TCF20: variants seen among roughly 807,000 people sequenced by gnomAD.
TCF20 encodes SPRE-binding protein.
Under a neutral mutation model 148.6 loss-of-function variants are expected in TCF20, and 3 were observed. The ratio of observed to expected loss-of-function variants is 0.02; its 90% confidence interval spans 0.01 to 0.05. The LOEUF is 0.05. Ranked by LOEUF, TCF20 falls within the 10% of genes least tolerant of loss-of-function variation. TCF20 has a pLI of 1.00. For missense variants in TCF20, 2,350 were observed against 2,429.3 expected, an observed-to-expected ratio of 0.97 and a Z score of 0.69; for synonymous variants, 1,049 against 909.5, an observed-to-expected ratio of 1.15 and a Z score of -2.76.
rs1927260615 is a variant in TCF20 at position 42,297,689 on chromosome 22, A to C, written c.-37+45790T>G. On this transcript the variant is annotated intron_variant, in intron 1 of 1. Coordinates refer to the TCF20 transcript ENST00000515426. The surrounding 1 kb of genome is among the most constrained non-coding windows in gnomAD (Gnocchi z 4.3). ...GACTTAGGAAATACTGGCCAGAGAG[A>C]ATCTTGAGCCACACAATTCAGACAA... Among the ~76,000 whole-genome samples, 1 of 152,134 alleles carries C rather than the reference A, an allele frequency of 6.6e-6. No homozygotes were observed. Among genetic ancestry groups the C allele is most frequent in the South Asian group, 2.1e-4 (1 of 4,830 alleles).
At chr22:42,238,749 A>G (rs1203567092) in intron 1 of TCF20, among the ~76,000 whole-genome samples, 1 of 152,254 alleles carries the variant, frequency 6.6e-6, no homozygotes, top group African/African-American at 2.4e-5. Context: ...CTGAACACAC[A>G]TCTATACACA....
intron 1 of TCF20, among the ~76,000 whole-genome samples, chr22:42,263,318 A>T (rs574990160): frequency 6.6e-6 from 1 of 152,302 alleles, no homozygotes; most frequent in African/African-American, 2.4e-5. Flanking sequence ...TAAGTCAGGG[A>T]AACGCCCAGA....
chr22:42,172,016 A>G (rs555081706), intron 3 of TCF20, among the ~76,000 whole-genome samples: 6 of 152,238 alleles, frequency 3.9e-5, no homozygotes, highest in Non-Finnish European at 4.4e-5. Context: ...TAGAAGCAGA[A>G]AAGAGTAAGA....
chr22:42,272,060 A>G (rs1926640966), upstream of TCF20, among the ~76,000 whole-genome samples: 1 of 152,072 alleles, frequency 6.6e-6, no homozygotes. Context: ...GTCCAATCTC[A>G]CAAAGTGGGG....
At chr22:42,232,840 C>T (rs9611759) in intron 1 of TCF20, among the ~76,000 whole-genome samples, 4 of 150,652 alleles carry the variant, frequency 2.7e-5, no homozygotes, top group East Asian at 3.9e-4. Context: ...GACCAACATG[C>T]TAATTTTAAA....
At chr22:42,302,182 T>C (rs1927349175) in intron 1 of TCF20, among the ~76,000 whole-genome samples, 2 of 152,144 alleles carry the variant, frequency 1.3e-5, no homozygotes, top group South Asian at 4.1e-4. Context: ...AAGGGCACTA[T>C]CGGGTGTTGA....
At chr22:42,281,907 A>C (rs134894) in intron 1 of TCF20, among the ~76,000 whole-genome samples, 103,396 of 152,066 alleles carry the variant, frequency 0.68, 35,570 homozygotes, top group Non-Finnish European at 0.74. Context: ...TGTCCCTGTA[A>C]CCAAGGATGG....
rs570476985 is a variant in TCF20, at chr22:42,212,076, G to A, written c.3230C>T (p.Ala1077Val). The A allele has an allele frequency of 2.7e-5, 43 of 1,614,098 alleles. No individual in the cohort carries two copies. In the East Asian group the frequency reaches 7.1e-4, roughly 27 times the overall value. ...TRAHAYGDPN[A>V]GLNSQLHYKR... ...ATAATGCAGCTGAGAATTCAAACCT[G>A]CGTTAGGGTCCCCATAAGCATGAGC... is the stretch of plus-strand genomic sequence containing the variant. Residue 1077 changes from alanine (A) to valine (V), a missense_variant, in exon 2 of 6, where the codon GCA (alanine) becomes GTA (valine). Physicochemically the swap from Ala to Val is moderately conservative, Grantham distance 64. Coordinates refer to ENST00000677622, the MANE Select transcript of TCF20 (RefSeq NM_001378418.1).
chr22:42,169,434 T>C (rs1022424675), intron 4 of TCF20, among the ~76,000 whole-genome samples: 3 of 152,224 alleles, frequency 2.0e-5, no homozygotes, highest in Non-Finnish European at 4.4e-5. Context: ...CAGAGCCTTG[T>C]GGTCAGCTCG....
rs1264760357 is a variant in TCF20, at chr22:42,212,735, C to T, written c.2571G>A (p.Gly857=). The change falls in exon 2 of 6, where the codon GGG becomes GGA. Residue 857 remains glycine (G), a synonymous_variant. Coordinates refer to ENST00000677622, the MANE Select transcript of TCF20 (RefSeq NM_001378418.1). ...IEPQSSAHEP[G]GSLSERRSVI... ...CTGATCTTCTTTCAGAGAGGGAACCCCCAGGCTCATGTGCTGATGACTGAG... is the reference window on the plus strand; with the variant it reads ...CTGATCTTCTTTCAGAGAGGGAACCTCCAGGCTCATGTGCTGATGACTGAG... 1.2e-6 allele frequency: 2 copies of T among 1,614,194 alleles called. No homozygotes were observed. Among genetic ancestry groups the T allele is most frequent in the East Asian group, 2.2e-5 (1 of 44,888 alleles).
intron 3 of TCF20, 36 bp downstream of exon 3, chr22:42,179,573 G>A (rs906428879): frequency 7.0e-7 from 1 of 1,427,720 alleles, no homozygotes; most frequent in Non-Finnish European, 9.9e-7. Context: ...CTAATCCTTT[G>A]GATGCTCTGG....
At chr22:42,223,107 C>T (rs538657247) in intron 1 of TCF20, among the ~76,000 whole-genome samples, 3 of 152,264 alleles carry the variant, frequency 2.0e-5, no homozygotes, top group East Asian at 3.9e-4. Context: ...CGAGGCTGCA[C>T]GCTACTACAC....
chr22:42,265,813 G>A (rs1926256371), intron 1 of TCF20, among the ~76,000 whole-genome samples: 1 of 152,198 alleles, frequency 6.6e-6, no homozygotes, highest in Non-Finnish European at 1.5e-5. Flanking sequence ...TTGTAAACTA[G>A]TCAGGAAGAG....
At chr22:42,168,765 G>T (rs1935947217) in intron 4 of TCF20, 29 bp from the exon 5 acceptor site, 1 of 1,593,422 alleles carries the variant, frequency 6.3e-7, no homozygotes. Flanking sequence ...AGAGGAGACA[G>T]ACAGGTGGGA....
chr22:42,275,568 G>A (rs1377352641), upstream of TCF20, among the ~76,000 whole-genome samples: 1 of 152,200 alleles, frequency 6.6e-6, no homozygotes, highest in Admixed American at 6.5e-5. Context: ...AATTGGGCTG[G>A]GAGGGGCCAG....
In TCF20 at chr22:42,296,531, G is replaced by A. The variant is rs17002957; in HGVS notation, c.-37+46948C>T. On this transcript the variant is annotated intron_variant, in intron 1 of 1. Coordinates refer to the TCF20 transcript ENST00000515426. ...CCGGGATCACAGCCCTGCGGCGTTC[G>A]AGCTGCTGCCCACCAGCCGGCCCCC... Among the ~76,000 whole-genome samples the A allele has an allele frequency of 0.014, 2,092 of 152,326 alleles. 303 individuals are homozygous for A. The East Asian group carries it at 0.33, about 24-fold the overall frequency.
At position 42,209,854 on chromosome 22, in the gene TCF20, C is replaced by T; in HGVS notation, c.5452G>A (p.Glu1818Lys). 6.2e-7 allele frequency: 1 copy of T among 1,614,216 alleles called. No homozygotes were observed. ...GGCTTCGAGTCCAAAACAGTCTTTT[C>T]ACTGCTGCCCTCAGTGGCTGCTTTT... ...CKKAATEGSS[E>K]KTVLDSKPSV... The change falls in exon 2 of 6, where the codon GAA becomes AAA. Residue 1818 changes from glutamate (E) to lysine (K), a missense_variant. Transcript: ENST00000677622.
intron 2 of TCF20, among the ~76,000 whole-genome samples, chr22:42,201,470 TA>T (rs1555919516): frequency 1.3e-5 from 2 of 152,038 alleles, no homozygotes; most frequent in African/African-American, 4.8e-5. Flanking sequence ...AAAGTTTACT[TA>T]AAAAAACAAC....
intron 3 of TCF20, among the ~76,000 whole-genome samples, chr22:42,178,320 A>G (rs2147089007): frequency 6.6e-6 from 1 of 152,308 alleles, no homozygotes; most frequent in South Asian, 2.1e-4. Context: ...CCCAGTTTAT[A>G]GTTGATCACT....
Sources: allele counts gnomAD v4.1 joint callset (sites outside exome capture counted in the v4.1 genomes callset), GRCh38; gene constraint gnomAD v4.1.1; non-coding constraint Gnocchi (gnomAD v3.1); transcripts MANE v1.5; gene names NCBI Gene and HGNC (gene_info 2026-07-23, HGNC 2026-07-21).